The following KHDRBS3 variants were observed in gnomAD, a reference collection of about 807,000 sequenced individuals.
KHDRBS3 encodes the protein KH domain-containing, RNA-binding, signal transduction-associated protein 3.
In KHDRBS3, 23 loss-of-function variants were observed where a neutral mutation model predicts 45.6. The observed-to-expected ratio is 0.50, with a 90% CI of 0.36 to 0.72. The LOEUF is 0.72. Among genes scored for constraint, KHDRBS3 ranks in the 30% least tolerant of loss-of-function variants. The pLI, the probability that KHDRBS3 is intolerant of heterozygous loss-of-function variation, is 0.00. For missense variants in KHDRBS3, 352 were observed against 424.8 expected (o/e 0.83, Z 1.51); for synonymous variants, 162 against 156.5 (o/e 1.04, Z -0.26).
rs1831333779 is a variant in KHDRBS3, at chr8:135,647,297, A to G, written c.*213A>G. On this transcript the variant is annotated 3_prime_UTR_variant, in exon 9 of 9. Transcript: ENST00000355849. ...TTTTGTTATTTCCAGTCTGTATATG[A>G]AAAAATAGGTCATCAAAAGGAAAAA... 1 of 362,382 alleles carries G rather than the reference A, an allele frequency of 2.8e-6. No individual in the cohort carries two copies. Among genetic ancestry groups the G allele is most frequent in the Non-Finnish European group, 4.9e-6 (1 of 203,584 alleles). The allele number at this position is 362,382 out of a possible 1,614,324, so 22.4% of individuals were successfully genotyped here. A position where few individuals can be genotyped will look rare whatever the true frequency, so the allele number is the denominator to read the frequency against.
intron 3 of KHDRBS3, 137 bp downstream of exon 3, chr8:135,542,907 C>T (rs954769116): frequency 8.3e-6 from 5 of 600,306 alleles, no homozygotes; most frequent in Non-Finnish European, 1.5e-5. Flanking sequence ...TCACTCTGGT[C>T]AGCTTCAGAA....
intron 1 of KHDRBS3, among the ~76,000 whole-genome samples, chr8:135,495,153 A>G (rs1402302265): frequency 1.3e-5 from 2 of 152,110 alleles, no homozygotes; most frequent in East Asian, 1.9e-4. Context: ...TGACGATTTG[A>G]TAAGATTTTG....
At chr8:135,516,812 TATATATGTAGGTTAA>T (rs1169582436) in intron 1 of KHDRBS3, among the ~76,000 whole-genome samples, 6 of 152,138 alleles carry the variant, frequency 3.9e-5, no homozygotes, top group African/African-American at 1.4e-4. Flanking sequence ...TCTATCTAAG[TATATATGTAGGTTAA>T]ATTTCTAGAA....
intron 6 of KHDRBS3, among the ~76,000 whole-genome samples, chr8:135,585,565 A>T (rs1412979584): frequency 1.3e-5 from 2 of 152,154 alleles, no homozygotes. Flanking sequence ...TATTTACTGA[A>T]TGAATGAATG....
At chr8:135,612,251 T>C (rs1829734845) in intron 7 of KHDRBS3, among the ~76,000 whole-genome samples, 1 of 151,908 alleles carries the variant, frequency 6.6e-6, no homozygotes, top group African/African-American at 2.4e-5. Flanking sequence ...ATTTCCCATA[T>C]ACAGTATTCA....
At chr8:135,475,404 T>G (rs535778615) in intron 1 of KHDRBS3, among the ~76,000 whole-genome samples, 19 of 112,198 alleles carry the variant, frequency 1.7e-4, no homozygotes, top group African/African-American at 6.5e-4. Context: ...TTCCACCCCC[T>G]GGGTTCAAGC....
chr8:135,507,147 A>T (rs1824043104), intron 1 of KHDRBS3, among the ~76,000 whole-genome samples: 1 of 152,150 alleles, frequency 6.6e-6, no homozygotes, highest in Admixed American at 6.5e-5. Context: ...CAAATTCTTC[A>T]AACGGATCTA....
chr8:135,560,501 A>T (rs1827117897), intron 5 of KHDRBS3, among the ~76,000 whole-genome samples: 1 of 152,180 alleles, frequency 6.6e-6, no homozygotes, highest in African/African-American at 2.4e-5. Flanking sequence ...GCTGTTGTTT[A>T]GGGGATACTG....
In KHDRBS3 at chr8:135,497,991, T is replaced by A. The variant is rs535105016; in HGVS notation, c.89-23246T>A. ...CCTTTTGCACTTAATTACCATGGCATGATGGTGCCTTCCTTCCTTGATGCT... is the reference window on the plus strand; with the variant it reads ...CCTTTTGCACTTAATTACCATGGCAAGATGGTGCCTTCCTTCCTTGATGCT... On this transcript the variant is annotated intron_variant, in intron 1 of 8. Coordinates refer to ENST00000355849, the MANE Select transcript of KHDRBS3 (RefSeq NM_006558.3). Among the ~76,000 whole-genome samples the A allele has an allele frequency of 5.9e-5, 9 of 152,316 alleles. No homozygotes were observed. The South Asian group carries it at 1.9e-3, about 32-fold the overall frequency.
At chr8:135,571,977 C>T (rs12680502) in intron 5 of KHDRBS3, among the ~76,000 whole-genome samples, 7,309 of 152,196 alleles carry the variant, frequency 0.048, 281 homozygotes, top group East Asian at 0.19. Context: ...CAAAATAATT[C>T]GATACTAAAA....
chr8:135,460,124 G>A (rs549932797), intron 1 of KHDRBS3, among the ~76,000 whole-genome samples: 1 of 152,338 alleles, frequency 6.6e-6, no homozygotes, highest in South Asian at 2.1e-4. Flanking sequence ...ACATGATTGT[G>A]AGGAAGCTTT....
intron 5 of KHDRBS3, among the ~76,000 whole-genome samples, chr8:135,572,746 A>G (rs555362118): frequency 3.3e-5 from 5 of 152,260 alleles, no homozygotes; most frequent in Non-Finnish European, 7.3e-5. Context: ...AGAGTTGCTC[A>G]GAGTGAGAGC....
intron 6 of KHDRBS3, among the ~76,000 whole-genome samples, chr8:135,593,737 A>G (rs1563792901): frequency 6.6e-6 from 1 of 152,128 alleles, no homozygotes; most frequent in African/African-American, 2.4e-5. Flanking sequence ...CTCGGCTTCC[A>G]CAAGTGCTGG....
intron 6 of KHDRBS3, among the ~76,000 whole-genome samples, chr8:135,587,771 T>G (rs1168933890): frequency 1.3e-5 from 2 of 152,210 alleles, no homozygotes; most frequent in African/African-American, 4.8e-5. Context: ...ATTTCTAAAG[T>G]GAAACCATTT....
chr8:135,474,161 A>G (rs1034004152), intron 1 of KHDRBS3, among the ~76,000 whole-genome samples: 1 of 150,858 alleles, frequency 6.6e-6, no homozygotes, highest in Admixed American at 6.6e-5. Context: ...TTTCCAGAAG[A>G]GTTTTGCCGT....
chr8:135,512,437 G>GGGT (rs1554620173), intron 1 of KHDRBS3, among the ~76,000 whole-genome samples: 3 of 128,374 alleles, frequency 2.3e-5, no homozygotes, highest in Admixed American at 7.9e-5. Flanking sequence ...GTCGGGGGGG[G>GGGT]GGTAATAACT....
chr8:135,499,254 T>C (rs1259781655), intron 1 of KHDRBS3, among the ~76,000 whole-genome samples: 1 of 152,234 alleles, frequency 6.6e-6, no homozygotes, highest in Non-Finnish European at 1.5e-5. Context: ...GCATTGTTTG[T>C]ATTTGTTTTC....
intron 2 of KHDRBS3, among the ~76,000 whole-genome samples, chr8:135,537,149 G>C (rs2130746250): frequency 6.6e-6 from 1 of 152,256 alleles, no homozygotes; most frequent in African/African-American, 2.4e-5. Flanking sequence ...CTTCAGGCTT[G>C]AGTTACTGCG....
intron 6 of KHDRBS3, among the ~76,000 whole-genome samples, chr8:135,586,431 A>G (rs1262584351): frequency 3.3e-5 from 5 of 152,326 alleles, no homozygotes; most frequent in Middle Eastern, 3.4e-3. Context: ...CAGAAATGCC[A>G]TAAAAGGGAT....
Sources: allele counts gnomAD v4.1 joint callset (sites outside exome capture counted in the v4.1 genomes callset), GRCh38; gene constraint gnomAD v4.1.1; transcripts MANE v1.5; gene names NCBI Gene and HGNC (gene_info 2026-07-23, HGNC 2026-07-21).